The following NFIA variants were observed in gnomAD, a reference collection of about 807,000 sequenced individuals.
NFIA encodes the protein nuclear factor I A.
Under a neutral mutation model 62.8 loss-of-function variants are expected in NFIA, and 8 were observed. That is an observed-to-expected ratio of 0.13 (90% confidence interval 0.07 to 0.23). The LOEUF is 0.23. Ranked by LOEUF, NFIA falls within the 10% of genes least tolerant of loss-of-function variation. The pLI is 1.00. For synonymous variants in NFIA, 235 were observed against 238.1 expected, an observed-to-expected ratio of 0.99 and a Z score of 0.12; for missense variants, 410 against 642.1, an observed-to-expected ratio of 0.64 and a Z score of 3.91.
intron 2 of NFIA, among the ~76,000 whole-genome samples, chr1:61,154,097 G>A (rs1046819894): frequency 6.6e-6 from 1 of 152,004 alleles, no homozygotes; most frequent in African/African-American, 2.4e-5. Flanking sequence ...TCAGACTGTT[G>A]GTGAATATTG....
intron 3 of NFIA, among the ~76,000 whole-genome samples, chr1:61,297,566 G>C (rs576840598): frequency 6.6e-6 from 1 of 152,298 alleles, no homozygotes; most frequent in African/African-American, 2.4e-5. Context: ...TGTTGCGGTA[G>C]TAGTACCTGA....
At chr1:61,323,878 G>A (rs1660797984) in intron 3 of NFIA, among the ~76,000 whole-genome samples, 1 of 152,160 alleles carries the variant, frequency 6.6e-6, no homozygotes, top group African/African-American at 2.4e-5. Context: ...TGGACAATGT[G>A]AGATAATGAG....
At position 61,083,757 on chromosome 1, in the gene NFIA, C is replaced by CCCGCCGCCGCCGCCGCCA. The variant is rs1553148689; in HGVS notation, c.27+942_27+959dup. Among the ~76,000 whole-genome samples the CCCGCCGCCGCCGCCGCCA allele has an allele frequency of 2.8e-3, 418 of 151,058 alleles. 2 individuals are homozygous for CCCGCCGCCGCCGCCGCCA. Among genetic ancestry groups the CCCGCCGCCGCCGCCGCCA allele is most frequent in the Non-Finnish European group, 4.0e-3 (269 of 67,596 alleles). ...GCGGCCCGGGCCGGACACGGCTCCC[C>CCCGCCGCCGCCGCCGCCA]CCGCCGCCGCCGCCGCCACCACCAC... On this transcript the variant is annotated intron_variant, in intron 1 of 10. Transcript: ENST00000403491.
intron 9 of NFIA, among the ~76,000 whole-genome samples, chr1:61,425,056 A>G (rs1027375182): frequency 6.6e-6 from 1 of 152,180 alleles, no homozygotes; most frequent in East Asian, 1.9e-4. Context: ...AACAAATACT[A>G]TTACCACAAA....
intron 2 of NFIA, among the ~76,000 whole-genome samples, chr1:61,113,289 C>G (rs536057967): frequency 1.3e-5 from 2 of 151,694 alleles, no homozygotes; most frequent in South Asian, 4.2e-4. Flanking sequence ...TTTTTAAATA[C>G]CAAATGAGAA....
chr1:61,393,244 C>CCTCTCTCT lies in NFIA; in HGVS notation c.1075+9919_1075+9926dup, dbSNP rs766730638. Among the ~76,000 whole-genome samples the CCTCTCTCT allele has an allele frequency of 1.5e-3, 45 of 29,100 alleles. 2 individuals are homozygous for CCTCTCTCT. The highest frequency in any genetic ancestry group is 2.3e-3 in the Non-Finnish European group (41 of 17,932). The allele number at this position is 29,100 out of a possible 152,430, so 19.1% of individuals were successfully genotyped here. On this transcript the variant is annotated intron_variant, in intron 7 of 10. Transcript: ENST00000403491. Reference sequence around the variant, plus strand: ...ATGGTTTCTTCTGCCTCGCCCTCTCCCTCTCTCTCTCTCTCTCTCTCTCTC... The same window carrying CCTCTCTCT: ...ATGGTTTCTTCTGCCTCGCCCTCTCCCTCTCTCTCTCTCTCTCTCTCTCTCTCTCTCTC...
intron 9 of NFIA, among the ~76,000 whole-genome samples, chr1:61,425,049 A>G (rs1355303862): frequency 6.6e-6 from 1 of 152,226 alleles, no homozygotes; most frequent in Non-Finnish European, 1.5e-5. Flanking sequence ...CTCCTAAAAC[A>G]AATACTATTA....
intron 2 of NFIA, among the ~76,000 whole-genome samples, chr1:61,209,208 T>C (rs1336844013): frequency 1.3e-5 from 2 of 152,172 alleles, no homozygotes; most frequent in East Asian, 1.9e-4. Flanking sequence ...AAGTAATACT[T>C]GAGAGAACTC....
intron 10 of NFIA, among the ~76,000 whole-genome samples, chr1:61,428,553 T>G (rs1219422520): frequency 6.6e-6 from 1 of 152,116 alleles, no homozygotes; most frequent in Non-Finnish European, 1.5e-5. Context: ...CAAAAAAAGA[T>G]ATCTTGAGGT....
At chr1:61,357,698 C>T (rs1663037700) in intron 5 of NFIA, among the ~76,000 whole-genome samples, 1 of 152,130 alleles carries the variant, frequency 6.6e-6, no homozygotes, top group South Asian at 2.1e-4. Flanking sequence ...TCTCTGTCTC[C>T]ATGTCTGACT....
Position 61,421,671 on chromosome 1 carries a change from A to G in NFIA, c.1421-4794A>G, listed in dbSNP as rs190339769. 5.8e-4 allele frequency among the ~76,000 whole-genome samples: 88 copies of G among 152,274 alleles called. No individual in the cohort carries two copies. The East Asian group carries it at 0.016, about 28-fold the overall frequency. ...GGCCAGAGGAGCTGGCTGTCACTCA[A>G]GTAGGTCAGCCTCAGGTGAAACCAG... On this transcript the variant is annotated intron_variant, in intron 9 of 10. Coordinates refer to ENST00000403491, the MANE Select transcript of NFIA (RefSeq NM_001134673.4).
intron 2 of NFIA, among the ~76,000 whole-genome samples, chr1:61,190,322 C>T (rs530105489): frequency 5.9e-5 from 9 of 152,292 alleles, no homozygotes; most frequent in Admixed American, 5.2e-4. Flanking sequence ...ATGAGGTTGG[C>T]GGTTCCTTTA....
At chr1:61,165,028 A>G (rs1325709743) in intron 2 of NFIA, among the ~76,000 whole-genome samples, 3 of 152,206 alleles carry the variant, frequency 2.0e-5, no homozygotes, top group Non-Finnish European at 4.4e-5. Context: ...GTTTCGTATT[A>G]TATATACGAT....
chr1:61,398,920 A>C (rs1665416378), intron 7 of NFIA, among the ~76,000 whole-genome samples: 2 of 152,346 alleles, frequency 1.3e-5, no homozygotes, highest in South Asian at 4.1e-4. Flanking sequence ...CAAGATACAT[A>C]GTAGTTGACA....
At chr1:61,182,289 A>G (rs1046612367) in intron 2 of NFIA, among the ~76,000 whole-genome samples, 4 of 152,178 alleles carry the variant, frequency 2.6e-5, no homozygotes, top group Middle Eastern at 3.2e-3. Flanking sequence ...CCCCTTGCAC[A>G]TGATTCACTG....
chr1:61,303,841 T>A (rs1471020723), intron 3 of NFIA, among the ~76,000 whole-genome samples: 1 of 152,228 alleles, frequency 6.6e-6, no homozygotes. Flanking sequence ...CTTTTCCTCT[T>A]AATAACATGA....
chr1:61,182,546 G>GAATTTTCA (rs1650826672), intron 2 of NFIA, among the ~76,000 whole-genome samples: 1 of 152,192 alleles, frequency 6.6e-6, no homozygotes, highest in Non-Finnish European at 1.5e-5. Context: ...TTCAAAGTTA[G>GAATTTTCA]AACTGTAATT....
At chr1:61,329,049 C>CTTTTTTTT (rs369972455) in intron 3 of NFIA, among the ~76,000 whole-genome samples, 62 of 122,404 alleles carry the variant, frequency 5.1e-4, no homozygotes, top group South Asian at 1.1e-3. Flanking sequence ...TTCTTTTTTT[C>CTTTTTTTT]TTTTTTTTTT....
intron 4 of NFIA, among the ~76,000 whole-genome samples, chr1:61,346,858 A>G (rs945602926): frequency 3.9e-5 from 6 of 152,182 alleles, no homozygotes; most frequent in Admixed American, 3.9e-4. Context: ...GAAACTTATA[A>G]TCATGGCAGA....
Sources: allele counts gnomAD v4.1 joint callset (sites outside exome capture counted in the v4.1 genomes callset), GRCh38; gene constraint gnomAD v4.1.1; transcripts MANE v1.5; gene names NCBI Gene and HGNC (gene_info 2026-07-23, HGNC 2026-07-21).